The following COL9A1 variants were observed in gnomAD, a reference collection of about 807,000 sequenced individuals.
COL9A1 encodes collagen alpha-1(IX) chain.
A neutral mutation model predicts 142.6 loss-of-function variants in COL9A1; 104 were observed. That is an observed-to-expected ratio of 0.73 (90% CI 0.62 to 0.86). The LOEUF (loss-of-function observed/expected upper bound fraction) is 0.86, where lower values mean the gene tolerates loss of function less well. Among genes scored for constraint, COL9A1 ranks in the 40% least tolerant of loss-of-function variants. The pLI, the probability that COL9A1 is intolerant of heterozygous loss-of-function variation, is 0.00. For synonymous variants in COL9A1, 466 were observed against 396.0 expected (o/e 1.18, Z -2.10); for missense variants, 1,210 against 1,176.6 (o/e 1.03, Z -0.42).
In COL9A1 at chr6:70,282,918, G is replaced by T; in HGVS notation, c.781C>A (p.Pro261Thr). ...CTTACCTCGTCGGTGGTCTGGCTGG[G>T]CTGGAGAAGAAAAGATGGGGAGAAA... is the stretch of plus-strand genomic sequence containing the variant. ...TCHELPARIT[P>T]SQTTDERGPP... The change falls in exon 7 of 38, where the codon CCC (proline) becomes ACC (threonine). Residue 261 changes from proline to threonine, a missense_variant and splice_region_variant. Physicochemically the swap from Pro to Thr is conservative, Grantham distance 38. Transcript: ENST00000357250. 1 of 1,614,096 alleles carries T rather than the reference G, an allele frequency of 6.2e-7. No homozygotes were observed. The highest frequency in any genetic ancestry group is 8.5e-7 in the Non-Finnish European group (1 of 1,180,024).
rs750029947 is a variant in COL9A1, at chr6:70,300,055, C to G, written c.287G>C (p.Arg96Thr). The change falls in exon 4 of 38, where the codon AGG (arginine) becomes ACG (threonine). Residue 96 changes from arginine to threonine, a missense_variant. Physicochemically the swap from Arg to Thr is moderately conservative, Grantham distance 71 (BLOSUM62 -1). Coordinates refer to ENST00000357250, the MANE Select transcript of COL9A1 (RefSeq NM_001851.6). ...AYKLGNNVDFRIPTRNLYPSG... is the reference protein window; with the variant it reads ...AYKLGNNVDFTIPTRNLYPSG... ...TTTGATAGATTACCTAGTTGGAATC[C>G]TGAAGTCTACATTATTTCCCAACTT... 2 of 1,613,732 alleles carry G rather than the reference C, an allele frequency of 1.2e-6. No individual in the cohort carries two copies. The highest frequency in any genetic ancestry group is 2.2e-5 in the South Asian group (2 of 91,074).
intron 18 of COL9A1, among the ~76,000 whole-genome samples, chr6:70,264,020 C>A (rs1433699193): frequency 6.6e-6 from 1 of 151,866 alleles, no homozygotes; most frequent in African/African-American, 2.4e-5. Flanking sequence ...TCTCTCCACA[C>A]AGTTTTCAAA....
At chr6:70,250,035 T>C (rs1028353459) in intron 28 of COL9A1, among the ~76,000 whole-genome samples, 1 of 151,954 alleles carries the variant, frequency 6.6e-6, no homozygotes, top group African/African-American at 2.4e-5. Flanking sequence ...CCAAAAAGGG[T>C]GAATCTCCTG....
intron 8 of COL9A1, 115 bp downstream of exon 8, chr6:70,281,275 G>T: frequency 9.8e-7 from 1 of 1,020,148 alleles, no homozygotes; most frequent in Non-Finnish European, 1.4e-6. Context: ...TGGGGTGGCA[G>T]GAAGGGGAGA....
At chr6:70,224,674 C>A (rs926619392) in intron 37 of COL9A1, among the ~76,000 whole-genome samples, 2 of 152,248 alleles carry the variant, frequency 1.3e-5, no homozygotes, top group East Asian at 1.9e-4. Context: ...TTAGTAAATT[C>A]TATTTCCTTT....
intron 7 of COL9A1, among the ~76,000 whole-genome samples, 197 bp from the exon 8 acceptor site, chr6:70,281,661 A>C (rs1773176435): frequency 6.6e-6 from 1 of 152,084 alleles, no homozygotes; most frequent in South Asian, 2.1e-4. Context: ...TAATGAGCTA[A>C]ACTGTGGGGC....
At chr6:70,251,246 GA>G (rs1174939723) in intron 28 of COL9A1, among the ~76,000 whole-genome samples, 1 of 151,830 alleles carries the variant, frequency 6.6e-6, no homozygotes, top group Non-Finnish European at 1.5e-5. Flanking sequence ...CAATCATTAG[GA>G]AAAAAAATAA....
chr6:70,284,826 T>C (rs1229874865), intron 5 of COL9A1, among the ~76,000 whole-genome samples: 1 of 152,240 alleles, frequency 6.6e-6, no homozygotes, highest in African/African-American at 2.4e-5. Flanking sequence ...GCATTACTTC[T>C]TTTCTTTCAT....
chr6:70,273,226 G>A (rs3806093), intron 12 of COL9A1, among the ~76,000 whole-genome samples: 59,231 of 152,006 alleles, frequency 0.39, 11,966 homozygotes, highest in African/African-American at 0.47. Flanking sequence ...AATTCAGGAA[G>A]TAAGTGTTGT....
chr6:70,273,253 G>C (rs1264109454), intron 12 of COL9A1, among the ~76,000 whole-genome samples: 1 of 152,078 alleles, frequency 6.6e-6, no homozygotes, highest in Non-Finnish European at 1.5e-5. Flanking sequence ...AAACACCAAA[G>C]TAATCAATAA....
intron 37 of COL9A1, chr6:70,222,669 G>A (rs1202937748): frequency 6.6e-6 from 1 of 151,898 alleles, no homozygotes; most frequent in East Asian, 1.9e-4. Flanking sequence ...ACAACCGATA[G>A]AAAATGATGA....
Position 70,280,459 on chromosome 6 carries a change from G to A in COL9A1, c.975+353C>T, listed in dbSNP as rs993422558. ...CCAGTGGGCTCACAGCAGGTAAGCC[G>A]AAGCCAGTACAATCTATTGCCATCC... On this transcript the variant is annotated intron_variant, in intron 10 of 37. Transcript: ENST00000357250. The A allele has an allele frequency of 3.6e-4, 452 of 1,243,306 alleles. 1 individual carries two copies. Among genetic ancestry groups the A allele is most frequent in the Non-Finnish European group, 3.5e-4 (342 of 988,130 alleles). 77.0% of individuals were successfully genotyped at this position (1,243,306 alleles called of 1,614,324 possible).
intron 17 of COL9A1, among the ~76,000 whole-genome samples, chr6:70,267,327 G>GTTTTTTTTTT (rs61373051): frequency 0.08 from 10,130 of 126,142 alleles, 842 homozygotes; most frequent in South Asian, 0.13. Flanking sequence ...TGGTTTTTTT[G>GTTTTTTTTTT]TTTTTTTTTT....
chr6:70,219,179 C>G (rs73749904), intron 37 of COL9A1, among the ~76,000 whole-genome samples: 3 of 152,036 alleles, frequency 2.0e-5, no homozygotes, highest in Non-Finnish European at 4.4e-5. Context: ...GATCTAAATC[C>G]GATTTTCATG....
At chr6:70,246,873 G>A (rs1397536089) in intron 28 of COL9A1, among the ~76,000 whole-genome samples, 3 of 152,082 alleles carry the variant, frequency 2.0e-5, no homozygotes, top group East Asian at 3.9e-4. Flanking sequence ...TGGTAACTTC[G>A]GGCAAGCAGC....
intron 14 of COL9A1, among the ~76,000 whole-genome samples, chr6:70,271,346 G>A (rs907661568): frequency 1.3e-5 from 2 of 151,976 alleles, no homozygotes; most frequent in African/African-American, 4.8e-5. Context: ...TTTCATGCAG[G>A]GAGCCTAATA....
chr6:70,294,274 C>T lies in COL9A1; in HGVS notation c.589G>A (p.Asp197Asn), dbSNP rs1424853631. Reference protein sequence around the residue: ...VERSSATLFVDCNRIESLPIK... With the variant: ...VERSSATLFVNCNRIESLPIK... The stretch of plus-strand genomic sequence containing the variant: ...GGTAAAGATTCAATCCTGTTGCAGT[C>T]AACAAAAAGAGTAGCACTACTCCTC... Residue 197 changes from aspartate (D) to asparagine (N), a missense_variant, in exon 5 of 38, where the codon GAC becomes AAC. Asp to Asn is a conservative substitution (Grantham distance 23). Transcript: ENST00000357250. 1.9e-6 allele frequency: 3 copies of T among 1,613,830 alleles called. No individual in the cohort carries two copies. The highest frequency in any genetic ancestry group is 3.3e-5 in the Admixed American group (2 of 59,980).
In COL9A1 at chr6:70,253,467, C is replaced by T. The variant is rs773021804; in HGVS notation, c.1720-38G>A. The T allele has an allele frequency of 1.0e-5, 15 of 1,477,472 alleles. No individual in the cohort carries two copies. The Admixed American group carries it at 2.5e-4, about 25-fold the overall frequency. 91.5% of individuals were successfully genotyped at this position (1,477,472 alleles called of 1,614,324 possible). On this transcript the variant is annotated intron_variant, in intron 25 of 37. Coordinates refer to ENST00000357250, the MANE Select transcript of COL9A1 (RefSeq NM_001851.6). ...ATACACAATCCTAGTTTAATCACCT[C>T]CTCTGAGAATCCATGAGATGCCAAG...
intron 37 of COL9A1, among the ~76,000 whole-genome samples, chr6:70,220,837 G>A (rs1415616609): frequency 6.6e-6 from 1 of 152,156 alleles, no homozygotes; most frequent in Non-Finnish European, 1.5e-5. Flanking sequence ...GTGTTATTCT[G>A]CTCTGCCTGC....
Sources: gnomAD v4.1 joint callset for allele counts (sites outside exome capture counted in the v4.1 genomes callset) on GRCh38, gnomAD v4.1.1 for gene constraint, MANE v1.5 for transcripts, NCBI Gene and HGNC (gene_info 2026-07-23, HGNC 2026-07-21) for gene names.